The following PRKCH variants were observed in gnomAD, a reference collection of about 807,000 sequenced individuals.
The protein encoded by PRKCH is protein kinase C eta.
In PRKCH, 28 loss-of-function variants were observed where a neutral mutation model predicts 82.5. The observed-to-expected ratio is 0.34, with a 90% CI of 0.25 to 0.47. The LOEUF (loss-of-function observed/expected upper bound fraction) is 0.47. Among genes scored for constraint, PRKCH ranks in the 20% least tolerant of loss-of-function variants. The pLI is 1.00. For synonymous variants in PRKCH, 322 were observed against 327.4 expected (o/e 0.98, Z 0.18); for missense variants, 705 against 881.8 (o/e 0.80, Z 2.54).
At chr14:61,373,600 CGTTTTT>C (rs1465263774) in intron 1 of PRKCH, among the ~76,000 whole-genome samples, 1 of 151,856 alleles carries the variant, frequency 6.6e-6, no homozygotes, top group Non-Finnish European at 1.5e-5. Flanking sequence ...CCAAAGTCTT[CGTTTTT>C]GTTTTTGTTT....
In PRKCH at chr14:61,247,127, T is replaced by C. The variant is rs1454707674; in HGVS notation, c.-19+59459T>C. Among the ~76,000 whole-genome samples, 2 of 152,204 alleles carry C rather than the reference T, an allele frequency of 1.3e-5. 1 individual carries two copies. Among genetic ancestry groups the C allele is most frequent in the Admixed American group, 1.3e-4 (2 of 15,282 alleles). ...CCGTAAAGGCAGGAACTATGTCCTA[T>C]TCATTGAATAATCAATAATCCTCCC... On this transcript the variant is annotated intron_variant, in intron 1 of 3. Transcript: ENST00000555185.
chr14:61,376,394 C>G (rs2046428859), intron 1 of PRKCH, among the ~76,000 whole-genome samples: 1 of 152,158 alleles, frequency 6.6e-6, no homozygotes, highest in Non-Finnish European at 1.5e-5. Context: ...TGCAGCCCAG[C>G]CCTTTATTTT....
At chr14:61,295,147 T>C (rs1314690084) in intron 1 of PRKCH, among the ~76,000 whole-genome samples, 3 of 152,228 alleles carry the variant, frequency 2.0e-5, no homozygotes, top group Admixed American at 6.5e-5. Context: ...ATTACAGCCA[T>C]GAGCCACCAC....
At chr14:61,210,158 A>ATG (rs2044562681) in intron 1 of PRKCH, among the ~76,000 whole-genome samples, 2 of 108,574 alleles carry the variant, frequency 1.8e-5, no homozygotes, top group South Asian at 3.1e-4. Context: ...ATATATATAT[A>ATG]TATAAATTAG....
At chr14:61,546,877 T>C (rs960070156) in intron 12 of PRKCH, among the ~76,000 whole-genome samples, 5 of 152,254 alleles carry the variant, frequency 3.3e-5, no homozygotes, top group African/African-American at 1.2e-4. Context: ...GAAAAGTGAA[T>C]TATCCTGTAC....
At chr14:61,204,602 A>G (rs1275844882) in intron 1 of PRKCH, among the ~76,000 whole-genome samples, 1 of 151,998 alleles carries the variant, frequency 6.6e-6, no homozygotes, top group Admixed American at 6.6e-5. Flanking sequence ...AAAAATAAGA[A>G]ACAAAAATAT....
intron 9 of PRKCH, among the ~76,000 whole-genome samples, chr14:61,481,593 A>T (rs1248910170): frequency 6.6e-6 from 1 of 152,266 alleles, no homozygotes; most frequent in Non-Finnish European, 1.5e-5. Flanking sequence ...GAGGAAGCAC[A>T]TGTGACTTTA....
intron 9 of PRKCH, among the ~76,000 whole-genome samples, chr14:61,482,508 G>A (rs963209854): frequency 1.4e-4 from 22 of 152,108 alleles, no homozygotes; most frequent in African/African-American, 5.1e-4. Flanking sequence ...ACCTGGTGAC[G>A]TTATTTGAGG....
At chr14:61,457,710 A>G (rs2140296305) in intron 9 of PRKCH, 31 bp downstream of exon 9, 1 of 1,608,724 alleles carries the variant, frequency 6.2e-7, no homozygotes, top group African/African-American at 1.3e-5. Context: ...CTGCACCAAC[A>G]GCCTCTTTTC....
intron 1 of PRKCH, among the ~76,000 whole-genome samples, chr14:61,270,455 G>A (rs1283590810): frequency 6.6e-6 from 1 of 152,158 alleles, no homozygotes; most frequent in Non-Finnish European, 1.5e-5. Flanking sequence ...ATTCCAAGGG[G>A]ACTTACCTGC....
At chr14:61,197,480 C>T (rs1311185829) in intron 1 of PRKCH, among the ~76,000 whole-genome samples, 1 of 152,194 alleles carries the variant, frequency 6.6e-6, no homozygotes, top group Non-Finnish European at 1.5e-5. Flanking sequence ...GGACTCTCTG[C>T]AGAGTCCCAA....
intron 1 of PRKCH, among the ~76,000 whole-genome samples, chr14:61,209,800 C>T (rs1402169108): frequency 6.6e-6 from 1 of 152,058 alleles, no homozygotes; most frequent in Non-Finnish European, 1.5e-5. Flanking sequence ...GAGCCATCAT[C>T]CCCCTGCTTC....
At chr14:61,506,440 T>C (rs1321626447) in intron 10 of PRKCH, among the ~76,000 whole-genome samples, 1 of 152,078 alleles carries the variant, frequency 6.6e-6, no homozygotes, top group Non-Finnish European at 1.5e-5. Flanking sequence ...AGTCCAGGGA[T>C]GGGGGCTATT....
chr14:61,532,013 G>A (rs543800069), intron 12 of PRKCH, among the ~76,000 whole-genome samples: 23 of 152,314 alleles, frequency 1.5e-4, no homozygotes, highest in African/African-American at 2.4e-4. Context: ...CAGCCTCATC[G>A]TGCTGCAGAC....
At chr14:61,259,725 A>AT (rs200524884) in intron 1 of PRKCH, among the ~76,000 whole-genome samples, 17 of 151,520 alleles carry the variant, frequency 1.1e-4, no homozygotes, top group South Asian at 4.2e-4. Flanking sequence ...ATAACAAAGC[A>AT]TTTTTTTTTC....
chr14:61,345,837 G>C (rs1320044383), intron 1 of PRKCH, among the ~76,000 whole-genome samples: 1 of 150,296 alleles, frequency 6.7e-6, no homozygotes, highest in Non-Finnish European at 1.5e-5. Context: ...CCAGGAGTTT[G>C]AGACCAGCCT....
At chr14:61,222,750 GA>G (rs2044664768) in intron 1 of PRKCH, among the ~76,000 whole-genome samples, 1 of 152,208 alleles carries the variant, frequency 6.6e-6, no homozygotes, top group South Asian at 2.1e-4. Flanking sequence ...CAGTGTTTGA[GA>G]AAATAAACTC....
At chr14:61,382,448 CAAACAAAAAA>C (rs2046525277) in intron 1 of PRKCH, among the ~76,000 whole-genome samples, 1 of 149,126 alleles carries the variant, frequency 6.7e-6, no homozygotes, top group Non-Finnish European at 1.5e-5. Flanking sequence ...AAAACAAAAA[CAAACAAAAAA>C]AAACAAGAAA....
chr14:61,430,649 C>G (rs533104781), intron 2 of PRKCH, among the ~76,000 whole-genome samples: 1 of 152,282 alleles, frequency 6.6e-6, no homozygotes, highest in African/African-American at 2.4e-5. Context: ...AGGTGATGGT[C>G]AGGTGGTTGT....
Sources: allele counts gnomAD v4.1 joint callset (sites outside exome capture counted in the v4.1 genomes callset), GRCh38; gene constraint gnomAD v4.1.1; transcripts MANE v1.5; gene names NCBI Gene and HGNC (gene_info 2026-07-23, HGNC 2026-07-21).